The following PTP4A1 variants were observed in gnomAD, a reference collection of about 807,000 sequenced individuals.
PTP4A1 encodes the protein protein tyrosine phosphatase 4A1.
Under a neutral mutation model 20.5 loss-of-function variants are expected in PTP4A1, and 9 were observed. That is an observed-to-expected ratio of 0.44 (90% CI 0.26 to 0.77). The LOEUF is 0.77. PTP4A1 is among the 30% of genes least tolerant of loss of function. The pLI, the probability that PTP4A1 is intolerant of heterozygous loss-of-function variation, is 0.19. For missense variants in PTP4A1, 137 were observed against 218.8 expected (o/e 0.63, Z 2.36); for synonymous variants, 78 against 67.4 (o/e 1.16, Z -0.77).
At chr6:63,540,748 T>C (rs1185831059) in intron 2 of PTP4A1, among the ~76,000 whole-genome samples, 1 of 151,624 alleles carries the variant, frequency 6.6e-6, no homozygotes, top group African/African-American at 2.4e-5. Flanking sequence ...CACATCAGAA[T>C]GGTTATGAGG....
At position 63,522,574 on chromosome 6, in the gene PTP4A1, G is replaced by T. The variant is rs954082864; in HGVS notation, c.-906+748G>T. Among the ~76,000 whole-genome samples the T allele has an allele frequency of 3.3e-5, 5 of 152,224 alleles. No homozygotes were observed. The East Asian group carries it at 9.6e-4, about 29-fold the overall frequency. The stretch of plus-strand genomic sequence containing the variant: ...GAGGTAGAAAAGGGCTCTATAAGTT[G>T]AATATTCCCCAAATTACATTATTTG... On this transcript the variant is annotated intron_variant, in intron 1 of 3. Transcript: ENST00000639568.
intron 3 of PTP4A1, among the ~76,000 whole-genome samples, chr6:63,553,289 T>C (rs1776531478): frequency 6.6e-6 from 1 of 152,182 alleles, no homozygotes; most frequent in Admixed American, 6.5e-5. Context: ...CCCAAAACCA[T>C]GCTTCAGGAC....
chr6:63,529,532 T>A (rs2149476621), intron 2 of PTP4A1, among the ~76,000 whole-genome samples: 1 of 152,300 alleles, frequency 6.6e-6, no homozygotes, highest in East Asian at 1.9e-4. Flanking sequence ...CTTCCTTTTC[T>A]ACCTCTCTCG....
intron 5 of PTP4A1, 62 bp downstream of exon 5, chr6:63,579,393 G>C: frequency 7.8e-7 from 1 of 1,279,382 alleles, no homozygotes; most frequent in Non-Finnish European, 1.1e-6. Context: ...GTGTCAGTGA[G>C]TTTAATAGTC....
chr6:63,551,877 A>AT (rs1776459339), intron 3 of PTP4A1, among the ~76,000 whole-genome samples: 1 of 152,022 alleles, frequency 6.6e-6, no homozygotes, highest in Admixed American at 6.6e-5. Context: ...TGAACTCATC[A>AT]TTTTTTATGG....
chr6:63,574,457 GCCA>G (rs1581947272), intron 1 of PTP4A1, among the ~76,000 whole-genome samples: 3 of 152,090 alleles, frequency 2.0e-5, no homozygotes. Flanking sequence ...TCTATCGGTG[GCCA>G]CCACTGCTTT....
At chr6:63,550,188 T>C in intron 2 of PTP4A1, 1 of 152,184 alleles carries the variant, frequency 6.6e-6, no homozygotes, top group Non-Finnish European at 1.5e-5. Flanking sequence ...GGTTTTTTAA[T>C]CTACATAATA....
At chr6:63,552,214 T>C (rs925914225) in intron 3 of PTP4A1, among the ~76,000 whole-genome samples, 4 of 152,022 alleles carry the variant, frequency 2.6e-5, no homozygotes, top group African/African-American at 9.7e-5. Flanking sequence ...GTTATTTCAA[T>C]GATTGGCATT....
intron 3 of PTP4A1, among the ~76,000 whole-genome samples, chr6:63,563,937 T>A (rs1777074071): frequency 6.6e-6 from 1 of 152,202 alleles, no homozygotes; most frequent in East Asian, 1.9e-4. Flanking sequence ...AGTGGTTGAG[T>A]ATTTACTATG....
At chr6:63,541,186 A>C (rs1775955823) in intron 2 of PTP4A1, among the ~76,000 whole-genome samples, 2 of 152,178 alleles carry the variant, frequency 1.3e-5, no homozygotes, top group African/African-American at 4.8e-5. Flanking sequence ...GAAAACAATC[A>C]AAGCAGGTTT....
intron 3 of PTP4A1, among the ~76,000 whole-genome samples, chr6:63,558,339 A>G (rs949941697): frequency 6.6e-6 from 1 of 152,152 alleles, no homozygotes; most frequent in South Asian, 2.1e-4. Context: ...AAATGAACAA[A>G]TAAGGCTTTT....
chr6:63,542,561 A>G (rs192268731), intron 2 of PTP4A1, among the ~76,000 whole-genome samples: 2 of 152,124 alleles, frequency 1.3e-5, no homozygotes, highest in African/African-American at 4.8e-5. Flanking sequence ...CCTCTCTCCA[A>G]TCTCTCTTCA....
rs567117729 is a variant in PTP4A1, at chr6:63,524,929, G to A, written c.-905-2890G>A. Among the ~76,000 whole-genome samples the A allele has an allele frequency of 7.2e-5, 11 of 152,254 alleles. No individual in the cohort carries two copies. In the South Asian group the frequency reaches 2.3e-3, roughly 32 times the overall value. ...TACCTCAGAGGCATTCTTCATATAA[G>A]CATTTTTTATGAAAAAACTTAAGAA... On this transcript the variant is annotated intron_variant, in intron 1 of 3. Coordinates refer to the PTP4A1 transcript ENST00000639568.
chr6:63,576,359 T>C, intron 1 of PTP4A1, 77 bp from the exon 2 acceptor site: 1 of 397,466 alleles, frequency 2.5e-6, no homozygotes, highest in Non-Finnish European at 4.4e-6. Flanking sequence ...TGTACTTAAA[T>C]AGTGTAAAAC....
At chr6:63,566,631 C>A (rs1777202184) in intron 3 of PTP4A1, among the ~76,000 whole-genome samples, 1 of 152,212 alleles carries the variant, frequency 6.6e-6, no homozygotes, top group Admixed American at 6.5e-5. Context: ...AAGTCATAAT[C>A]TTTGCTGTTG....
At chr6:63,546,102 G>T (rs1776170975) in intron 2 of PTP4A1, among the ~76,000 whole-genome samples, 1 of 151,996 alleles carries the variant, frequency 6.6e-6, no homozygotes, top group South Asian at 2.1e-4. Context: ...ATTCACAATA[G>T]CCAACAAATA....
chr6:63,578,368 G>C, intron 2 of PTP4A1, 69 bp from the exon 3 acceptor site: 1 of 1,504,496 alleles, frequency 6.6e-7, no homozygotes, highest in East Asian at 2.4e-5. Flanking sequence ...GAGATGATCA[G>C]AATATAAAAT....
chr6:63,577,352 T>C (rs1225840493), intron 2 of PTP4A1, among the ~76,000 whole-genome samples: 1 of 152,202 alleles, frequency 6.6e-6, no homozygotes, highest in Non-Finnish European at 1.5e-5. Context: ...TTGAACCCCA[T>C]CTGATGCTTA....
upstream of PTP4A1, chr6:63,571,419 G>A (rs952534196): frequency 2.0e-5 from 3 of 152,208 alleles, no homozygotes; most frequent in Admixed American, 1.3e-4. Context: ...CAGAGCTGAG[G>A]AGAAAGGGTT....
Sources: allele counts gnomAD v4.1 joint callset (sites outside exome capture counted in the v4.1 genomes callset), GRCh38; gene constraint gnomAD v4.1.1; transcripts MANE v1.5; gene names NCBI Gene and HGNC (gene_info 2026-07-23, HGNC 2026-07-21).